The following ONECUT3 variants were observed in gnomAD, a reference collection of about 807,000 sequenced individuals.
ONECUT3 encodes one cut homeobox 3.
A neutral mutation model predicts 16.8 loss-of-function variants in ONECUT3; 11 were observed. The observed-to-expected ratio is 0.66, with a 90% CI of 0.41 to 1.09. The LOEUF is 1.09. Among genes scored for constraint, ONECUT3 ranks in the 50% least tolerant of loss-of-function variants. ONECUT3 has a pLI of 0.00. For missense variants in ONECUT3, 637 were observed against 629.9 expected (o/e 1.01, Z -0.12); for synonymous variants, 344 against 310.7 (o/e 1.11, Z -1.13).
chr19:1,774,617 G>C (rs1039782998), intron 1 of ONECUT3, among the ~76,000 whole-genome samples: 1 of 152,062 alleles, frequency 6.6e-6, no homozygotes, highest in Admixed American at 6.5e-5. Flanking sequence ...GCAGAAAGGA[G>C]AGGAGAAAGT....
Position 1,758,229 on chromosome 19 carries a change from CG to C in ONECUT3, c.1192+3379del, listed in dbSNP as rs146633799. Among the ~76,000 whole-genome samples, 1,643 of 146,104 alleles carry C rather than the reference CG, an allele frequency of 0.011. 11 individuals are homozygous for C. The highest frequency in any genetic ancestry group is 0.018 in the Non-Finnish European group (1,191 of 67,292). ...AGAGACCGGGAGCGGGAGAAACAGA[CG>C]GGGAGAAGAGAAAAAGAAGCCCAGA... is the stretch of plus-strand genomic sequence containing the variant. On this transcript the variant is annotated intron_variant, in intron 1 of 1. Coordinates refer to ENST00000382349, the MANE Select transcript of ONECUT3 (RefSeq NM_001080488.2). This position sits in a 1 kb window ranked among gnomAD's most constrained non-coding sequence, Gnocchi z 5.9.
At chr19:1,772,860 ATTTT>A (rs759006591) in intron 1 of ONECUT3, among the ~76,000 whole-genome samples, 2 of 107,236 alleles carry the variant, frequency 1.9e-5, no homozygotes, top group Non-Finnish European at 1.8e-5. Flanking sequence ...CGTCCAGCTA[ATTTT>A]TTTTTTTTTT....
Position 1,754,971 on chromosome 19 carries a change from C to T in ONECUT3, c.1192+117C>T, listed in dbSNP as rs1375568478. ...CGCCCCAAGCCCCGCCCGTGCGCCC[C>T]GGCAGCCCGGGACCCCCTATCAGGA... On this transcript the variant is annotated intron_variant, in intron 1 of 1. Coordinates refer to ENST00000382349, the MANE Select transcript of ONECUT3 (RefSeq NM_001080488.2). This position sits in a 1 kb window ranked among gnomAD's most constrained non-coding sequence, Gnocchi z 7.4. The T allele has an allele frequency of 3.0e-5, 37 of 1,231,510 alleles. No individual in the cohort carries two copies. Among genetic ancestry groups the T allele is most frequent in the Admixed American group, 4.3e-5 (1 of 23,288 alleles). 76.3% of individuals were successfully genotyped at this position (1,231,510 alleles called of 1,614,324 possible). A position where few individuals can be genotyped will look rare whatever the true frequency, so the allele number is the denominator to read the frequency against.
At position 1,775,150 on chromosome 19, in the gene ONECUT3, C is replaced by A. The variant is rs1315914618; in HGVS notation, c.1193-3C>A. 1.4e-6 allele frequency: 2 copies of A among 1,453,538 alleles called. No homozygotes were observed. The highest frequency in any genetic ancestry group is 1.8e-6 in the Non-Finnish European group (2 of 1,089,660). The allele number at this position is 1,453,538 out of a possible 1,614,324, so 90.0% of individuals were successfully genotyped here. On this transcript the variant is annotated splice_region_variant and splice_polypyrimidine_tract_variant and intron_variant, in intron 1 of 1. Coordinates refer to ENST00000382349, the MANE Select transcript of ONECUT3 (RefSeq NM_001080488.2). ...CGCCCGCCCGCCCGCCGCTCGCCCG[C>A]AGCCTGCAAGCGCAAGGAACAGGAG...
rs1180091327 is a variant in ONECUT3, at chr19:1,754,526, C to G, written c.864C>G (p.Gly288=). ...GSAAGLLAPL[G]GLAAAGAHGP... ...CCGCGGGGCTGCTGGCGCCGCTGGG[C>G]GGGCTGGCGGCGGCCGGGGCGCACG... The change falls in exon 1 of 2, where the codon GGC becomes GGG. Residue 288 remains glycine, a synonymous_variant. Transcript: ENST00000382349. This position sits in a 1 kb window ranked among gnomAD's most constrained non-coding sequence, Gnocchi z 7.4. 1.0e-6 allele frequency: 1 copy of G among 979,696 alleles called. No individual in the cohort carries two copies. The highest frequency in any genetic ancestry group is 1.2e-6 in the Non-Finnish European group (1 of 827,814). The allele number at this position is 979,696 out of a possible 1,614,324, so 60.7% of individuals were successfully genotyped here. A position where few individuals can be genotyped will look rare whatever the true frequency, so the allele number is the denominator to read the frequency against.
Position 1,758,329 on chromosome 19 carries a change from G to GAGAGAC in ONECUT3, c.1192+3480_1192+3481insCAGAGA, listed in dbSNP as rs1037087141. 6.7e-6 allele frequency among the ~76,000 whole-genome samples: 1 copy of GAGAGAC among 149,080 alleles called. No individual in the cohort carries two copies. The highest frequency in any genetic ancestry group is 2.5e-5 in the African/African-American group (1 of 40,164). On this transcript the variant is annotated intron_variant, in intron 1 of 1. Transcript: ENST00000382349. This position sits in a 1 kb window ranked among gnomAD's most constrained non-coding sequence, Gnocchi z 5.9. ...AAAAAAAAAAAAAGAGAGAGAGAGA[G>GAGAGAC]AGAGAGACAGAGATGGGAGAGGAAC...
chr19:1,753,953 G>A lies in ONECUT3; in HGVS notation c.291G>A (p.Glu97=). ...PLHPAMGMAC[E]APGLGGTYTT... ...ACCCGGCAATGGGCATGGCCTGCGA[G>A]GCGCCGGGCCTGGGCGGCACCTACA... Residue 97 remains glutamate (E), a synonymous_variant, in exon 1 of 2, where the codon GAG becomes GAA. Transcript: ENST00000382349. 1.0e-6 allele frequency: 1 copy of A among 988,912 alleles called. No individual in the cohort carries two copies. Among genetic ancestry groups the A allele is most frequent in the Non-Finnish European group, 1.2e-6 (1 of 833,900 alleles). 61.3% of individuals were successfully genotyped at this position (988,912 alleles called of 1,614,324 possible).
chr19:1,775,113 C>G (rs1477149818), intron 1 of ONECUT3, 40 bp from the exon 2 acceptor site: 4 of 1,320,156 alleles, frequency 3.0e-6, no homozygotes, highest in Non-Finnish European at 4.1e-6. Context: ...CACGGTGGCG[C>G]TGTGTCCCGC....
chr19:1,778,011 A>AC lies in ONECUT3; in HGVS notation c.*2566_*2567insC, dbSNP rs2068126212. ...ACTCCCTCTCAAAAAAAAAAAAAAAAAAAAAAACTTTAGGTCCAAGAAGAT... is the reference window on the plus strand; with the variant it reads ...ACTCCCTCTCAAAAAAAAAAAAAAAACAAAAAAACTTTAGGTCCAAGAAGAT... On this transcript the variant is annotated 3_prime_UTR_variant, in exon 2 of 2. Transcript: ENST00000382349. 1 of 151,724 alleles carries AC rather than the reference A, an allele frequency of 6.6e-6. No homozygotes were observed. The highest frequency in any genetic ancestry group is 2.4e-5 in the African/African-American group (1 of 41,276). 9.4% of individuals were successfully genotyped at this position (151,724 alleles called of 1,614,324 possible).
At position 1,764,939 on chromosome 19, in the gene ONECUT3, G is replaced by A. The variant is rs549636801; in HGVS notation, c.1192+10085G>A. On this transcript the variant is annotated intron_variant, in intron 1 of 1. Transcript: ENST00000382349. This position sits in a 1 kb window ranked among gnomAD's most constrained non-coding sequence, Gnocchi z 5.0. ...CCGGTCATCATCCCAGCCGGAGACC[G>A]GGCTCCATATTGAATTGTCTGCTCC... Among the ~76,000 whole-genome samples, 12 of 152,204 alleles carry A rather than the reference G, an allele frequency of 7.9e-5. No individual in the cohort carries two copies. Among genetic ancestry groups the A allele is most frequent in the African/African-American group, 2.6e-4 (11 of 41,530 alleles).
rs2067926557 is a variant in ONECUT3 at position 1,758,123 on chromosome 19, G to C, written c.1192+3269G>C. ...GACAGGGAGGGAGAAAGACCCGCAG[G>C]TGCAGACGGAGAGGGAGGGGGAGAC... On this transcript the variant is annotated intron_variant, in intron 1 of 1. Coordinates refer to ENST00000382349, the MANE Select transcript of ONECUT3 (RefSeq NM_001080488.2). The surrounding 1 kb of genome is among the most constrained non-coding windows in gnomAD (Gnocchi z 5.9). Among the ~76,000 whole-genome samples, 1 of 152,134 alleles carries C rather than the reference G, an allele frequency of 6.6e-6. No individual in the cohort carries two copies. Among genetic ancestry groups the C allele is most frequent in the East Asian group, 1.9e-4 (1 of 5,188 alleles).
Position 1,754,773 on chromosome 19 carries a change from T to A in ONECUT3, c.1111T>A (p.Ser371Thr). Residue 371 changes from serine to threonine, a missense_variant, in exon 1 of 2, where the codon TCC becomes ACC. Coordinates refer to ENST00000382349, the MANE Select transcript of ONECUT3 (RefSeq NM_001080488.2). This position sits in a 1 kb window ranked among gnomAD's most constrained non-coding sequence, Gnocchi z 7.4. Reference sequence around the variant, plus strand: ...CCCCAAGCCGTGGAGCAAGCTCAAATCCGGCCGCGAGACCTTCCGCAGGAT... The same window carrying A: ...CCCCAAGCCGTGGAGCAAGCTCAAAACCGGCCGCGAGACCTTCCGCAGGAT... ...RNPKPWSKLK[S>T]GRETFRRMWK... 1 of 1,566,302 alleles carries A rather than the reference T, an allele frequency of 6.4e-7. No individual in the cohort carries two copies. The highest frequency in any genetic ancestry group is 8.6e-7 in the Non-Finnish European group (1 of 1,158,178).
chr19:1,766,811 C>T lies in ONECUT3; in HGVS notation c.1193-8342C>T, dbSNP rs527814840. Reference sequence around the variant, plus strand: ...GGGTCTTGCAGGCTGGGCTGAGACCCCCCCCCCATGCTCCACCACCCTCGT... The same window carrying T: ...GGGTCTTGCAGGCTGGGCTGAGACCTCCCCCCCATGCTCCACCACCCTCGT... On this transcript the variant is annotated intron_variant, in intron 1 of 1. Coordinates refer to ENST00000382349, the MANE Select transcript of ONECUT3 (RefSeq NM_001080488.2). This position sits in a 1 kb window ranked among gnomAD's most constrained non-coding sequence, Gnocchi z 4.0. Among the ~76,000 whole-genome samples, 20 of 147,002 alleles carry T rather than the reference C, an allele frequency of 1.4e-4. No homozygotes were observed. Among genetic ancestry groups the T allele is most frequent in the Non-Finnish European group, 1.5e-4 (10 of 67,944 alleles).
At chr19:1,772,995 G>A (rs968990575) in intron 1 of ONECUT3, among the ~76,000 whole-genome samples, 3 of 151,234 alleles carry the variant, frequency 2.0e-5, no homozygotes, top group Admixed American at 6.6e-5. Context: ...GAGCCACCGC[G>A]CCCGGCCAAT....
chr19:1,773,970 G>C (rs1478888433), intron 1 of ONECUT3, among the ~76,000 whole-genome samples: 1 of 152,220 alleles, frequency 6.6e-6, no homozygotes, highest in Non-Finnish European at 1.5e-5. Flanking sequence ...CTGGTCTGCA[G>C]GCCATGGGGC....
intron 1 of ONECUT3, among the ~76,000 whole-genome samples, chr19:1,765,766 G>A (rs1395341556): frequency 1.3e-5 from 2 of 152,228 alleles, no homozygotes; most frequent in Non-Finnish European, 2.9e-5. Flanking sequence ...CAGGGTGCGC[G>A]TTCAAGGCCA....
Position 1,754,887 on chromosome 19 carries a change from G to T in ONECUT3, c.1192+33G>T. On this transcript the variant is annotated intron_variant, in intron 1 of 1. Coordinates refer to ENST00000382349, the MANE Select transcript of ONECUT3 (RefSeq NM_001080488.2). The surrounding 1 kb of genome is among the most constrained non-coding windows in gnomAD (Gnocchi z 7.4). ...CGTGGCGCGCAGGGCCAGACCCTGG[G>T]GGCGCCGGCTCTGGACTCCCGAGCA... is the stretch of plus-strand genomic sequence containing the variant. 1 of 1,368,562 alleles carries T rather than the reference G, an allele frequency of 7.3e-7. No homozygotes were observed. Among genetic ancestry groups the T allele is most frequent in the Non-Finnish European group, 9.5e-7 (1 of 1,050,808 alleles). The allele number at this position is 1,368,562 out of a possible 1,614,324, so 84.8% of individuals were successfully genotyped here.
rs1407834135 is a variant in ONECUT3 at position 1,754,873 on chromosome 19, G to A, written c.1192+19G>A. ...TTGGCAGGTAGGAGCGTGGCGCGCA[G>A]GGCCAGACCCTGGGGGCGCCGGCTC... On this transcript the variant is annotated intron_variant, in intron 1 of 1. Coordinates refer to ENST00000382349, the MANE Select transcript of ONECUT3 (RefSeq NM_001080488.2). The surrounding 1 kb of genome is among the most constrained non-coding windows in gnomAD (Gnocchi z 7.4). 6 of 1,408,170 alleles carry A rather than the reference G, an allele frequency of 4.3e-6. No individual in the cohort carries two copies. The highest frequency in any genetic ancestry group is 5.6e-6 in the Non-Finnish European group (6 of 1,069,570). 87.2% of individuals were successfully genotyped at this position (1,408,170 alleles called of 1,614,324 possible).
rs1169811249 is a variant in ONECUT3 at position 1,755,178 on chromosome 19, GC to G, written c.1192+325del. On this transcript the variant is annotated intron_variant, in intron 1 of 1. Coordinates refer to ENST00000382349, the MANE Select transcript of ONECUT3 (RefSeq NM_001080488.2). The surrounding 1 kb of genome is among the most constrained non-coding windows in gnomAD (Gnocchi z 7.5). ...CTCTCCCCAAGCAGCCCTCAGGGAA[GC>G]TCATTGTGTGTGTGCGTGTGTGTGT... is the stretch of plus-strand genomic sequence containing the variant. 6.6e-6 allele frequency among the ~76,000 whole-genome samples: 1 copy of G among 152,278 alleles called. No individual in the cohort carries two copies. The highest frequency in any genetic ancestry group is 1.5e-5 in the Non-Finnish European group (1 of 68,014).
Sources: allele counts gnomAD v4.1 joint callset (sites outside exome capture counted in the v4.1 genomes callset), GRCh38; gene constraint gnomAD v4.1.1; non-coding constraint Gnocchi (gnomAD v3.1); transcripts MANE v1.5; gene names NCBI Gene and HGNC (gene_info 2026-07-23, HGNC 2026-07-21).